TLN2: variants seen among roughly 807,000 people sequenced by gnomAD.
TLN2 encodes talin-2.
In TLN2, 118 loss-of-function variants were observed where a neutral mutation model predicts 294.7. The observed-to-expected ratio is 0.40, with a 90% confidence interval of 0.34 to 0.47. The LOEUF (loss-of-function observed/expected upper bound fraction) is 0.47, where lower values mean the gene tolerates loss of function less well. Among genes scored for constraint, TLN2 ranks in the 20% least tolerant of loss-of-function variants. The pLI, the probability that TLN2 is intolerant of heterozygous loss-of-function variation, is 0.84. For missense variants in TLN2, 3,083 were observed against 3,282.2 expected (o/e 0.94, Z 1.48); for synonymous variants, 1,431 against 1,304.5 (o/e 1.10, Z -2.09).
In TLN2 at chr15:62,500,601, C is replaced by T. The variant is rs117664041; in HGVS notation, c.-237-89086C>T. ...TAGACAAAGCCAGGCTTATAGTAGGCAAATGTAAATGGAGGCAAGGGAAGA... is the reference window on the plus strand; with the variant it reads ...TAGACAAAGCCAGGCTTATAGTAGGTAAATGTAAATGGAGGCAAGGGAAGA... On this transcript the variant is annotated intron_variant, in intron 1 of 58. Transcript: ENST00000636159. Among the ~76,000 whole-genome samples the T allele has an allele frequency of 6.6e-3, 997 of 152,168 alleles. 6 individuals are homozygous for T. The highest frequency in any genetic ancestry group is 0.011 in the South Asian group (54 of 4,816).
At chr15:62,397,607 A>T (rs28416852) in intron 1 of TLN2, among the ~76,000 whole-genome samples, 63 of 152,268 alleles carry the variant, frequency 4.1e-4, no homozygotes, top group African/African-American at 1.4e-3. Context: ...CTGAATCCTG[A>T]TGGGAGATCC....
chr15:62,778,972 C>T (rs879599623), intron 43 of TLN2, among the ~76,000 whole-genome samples: 3 of 152,178 alleles, frequency 2.0e-5, no homozygotes, highest in East Asian at 1.9e-4. Context: ...GTGCAGCAAG[C>T]GTTAGAAAGC....
At chr15:62,783,669 G>T in intron 44 of TLN2, 102 bp from the exon 45 acceptor site, 1 of 1,460,556 alleles carries the variant, frequency 6.8e-7, no homozygotes, top group Non-Finnish European at 9.1e-7. Context: ...AAAAGTGAAT[G>T]AAACCCTTTG....
At chr15:62,680,431 G>A (rs1480393642) in intron 11 of TLN2, among the ~76,000 whole-genome samples, 1 of 151,988 alleles carries the variant, frequency 6.6e-6, no homozygotes, top group Non-Finnish European at 1.5e-5. Context: ...TGATTAAATT[G>A]AGCAAGGAAA....
chr15:62,507,344 G>A (rs1198499885), intron 1 of TLN2, among the ~76,000 whole-genome samples: 1 of 152,180 alleles, frequency 6.6e-6, no homozygotes, highest in Non-Finnish European at 1.5e-5. Context: ...CTGGTAACTG[G>A]TCATCTCATT....
chr15:62,655,655 G>T lies in TLN2; in HGVS notation c.518-289G>T, dbSNP rs1288744288. On this transcript the variant is annotated intron_variant, in intron 7 of 58. Coordinates refer to ENST00000636159, the MANE Select transcript of TLN2 (RefSeq NM_015059.3). Reference sequence around the variant, plus strand: ...AGGGTGTACTGGGCCATGGGAATGCGTCAGTGGAGAGAACGTGTCACTCCC... The same window carrying T: ...AGGGTGTACTGGGCCATGGGAATGCTTCAGTGGAGAGAACGTGTCACTCCC... Among the ~76,000 whole-genome samples, 38 of 1,124 alleles carry T rather than the reference G, an allele frequency of 0.034. 14 individuals are homozygous for T. The Non-Finnish European group carries it at 0.4, about 12-fold the overall frequency. The allele number at this position is 1,124 out of a possible 152,430, so 0.7% of individuals were successfully genotyped here.
At chr15:62,567,640 G>A (rs1306262791) in intron 1 of TLN2, among the ~76,000 whole-genome samples, 1 of 144,138 alleles carries the variant, frequency 6.9e-6, no homozygotes, top group East Asian at 2.7e-4. Flanking sequence ...TTTGAGACCA[G>A]TGTGACAAAC....
chr15:62,572,872 C>G (rs910315357), intron 1 of TLN2, among the ~76,000 whole-genome samples: 1 of 152,182 alleles, frequency 6.6e-6, no homozygotes, highest in Non-Finnish European at 1.5e-5. Context: ...TCGCCACCCC[C>G]TCCTGCTGCG....
At chr15:62,484,067 G>A (rs1205803196) in intron 1 of TLN2, among the ~76,000 whole-genome samples, 3 of 152,186 alleles carry the variant, frequency 2.0e-5, no homozygotes, top group African/African-American at 7.2e-5. Flanking sequence ...TCCAGCTGCT[G>A]CTGCTGCTTG....
intron 28 of TLN2, among the ~76,000 whole-genome samples, chr15:62,728,221 A>G (rs993224974): frequency 1.3e-5 from 2 of 152,178 alleles, no homozygotes; most frequent in African/African-American, 4.8e-5. Flanking sequence ...CTGTAAGTAA[A>G]TGGAATAATA....
chr15:62,764,299 G>T (rs370232140), intron 40 of TLN2, among the ~76,000 whole-genome samples: 1 of 151,948 alleles, frequency 6.6e-6, no homozygotes, highest in African/African-American at 2.4e-5. Flanking sequence ...CTGTCCAAAG[G>T]TTCCTGATTT....
intron 54 of TLN2, chr15:62,829,949 T>C (rs997298632): frequency 6.6e-6 from 1 of 152,232 alleles, no homozygotes; most frequent in Admixed American, 6.5e-5. Context: ...GTTCTAGCCA[T>C]GTGGTTGCAA....
rs759671067 is a variant in TLN2 at position 62,792,766 on chromosome 15, C to G, written c.5862C>G (p.Cys1954Trp). Residue 1954 changes from cysteine (C) to tryptophan (W), a missense_variant, in exon 46 of 59, where the codon TGC (cysteine) becomes TGG (tryptophan). Physicochemically the swap from Cys to Trp is radical, Grantham distance 215. Coordinates refer to ENST00000636159, the MANE Select transcript of TLN2 (RefSeq NM_015059.3). ...DSYTKRELIECARAVTEKVSL... is the reference protein window; with the variant it reads ...DSYTKRELIEWARAVTEKVSL... ...ACACCAAGAGGGAGCTGATCGAATG[C>G]GCCCGTGCCGTCACGGAAAAGGTAA... The G allele has an allele frequency of 3.7e-6, 6 of 1,613,998 alleles. No individual in the cohort carries two copies. The highest frequency in any genetic ancestry group is 4.2e-6 in the Non-Finnish European group (5 of 1,180,026).
At chr15:62,718,577 G>C (rs1017331328) in intron 24 of TLN2, among the ~76,000 whole-genome samples, 2 of 152,222 alleles carry the variant, frequency 1.3e-5, no homozygotes, top group East Asian at 3.9e-4. Context: ...CCCTACTGCT[G>C]TTGTGGACTG....
intron 1 of TLN2, among the ~76,000 whole-genome samples, chr15:62,437,459 G>A (rs1054424868): frequency 6.6e-6 from 1 of 151,914 alleles, no homozygotes; most frequent in Non-Finnish European, 1.5e-5. Flanking sequence ...TGCCCAGGCT[G>A]GTCGTGAACT....
chr15:62,505,040 T>G (rs1362839158), intron 1 of TLN2, among the ~76,000 whole-genome samples: 1 of 152,128 alleles, frequency 6.6e-6, no homozygotes, highest in Non-Finnish European at 1.5e-5. Context: ...CACTGCAACC[T>G]CCGCTTCCCA....
chr15:62,572,883 C>A (rs2044014913), intron 1 of TLN2, among the ~76,000 whole-genome samples: 1 of 152,208 alleles, frequency 6.6e-6, no homozygotes, highest in Non-Finnish European at 1.5e-5. Flanking sequence ...TCCTGCTGCG[C>A]TCTTCCTGTC....
chr15:62,523,610 G>T (rs1003447904), intron 1 of TLN2, among the ~76,000 whole-genome samples: 4 of 152,184 alleles, frequency 2.6e-5, no homozygotes, highest in African/African-American at 9.7e-5. Context: ...GTAAGTGGGA[G>T]AATTTATCCC....
chr15:62,698,900 C>A, intron 16 of TLN2, 33 bp downstream of exon 16: 1 of 1,589,650 alleles, frequency 6.3e-7, no homozygotes. Flanking sequence ...CATGCCAAGT[C>A]TCTGCCCTGG....
Sources: allele counts gnomAD v4.1 joint callset (sites outside exome capture counted in the v4.1 genomes callset), GRCh38; gene constraint gnomAD v4.1.1; transcripts MANE v1.5; gene names NCBI Gene and HGNC (gene_info 2026-07-23, HGNC 2026-07-21).